Variants in RTN4RL1 observed in about 807,000 individuals in gnomAD.
RTN4RL1 encodes reticulon-4 receptor-like 1.
RTN4RL1 carries 7 observed loss-of-function variants against 25.6 expected under a neutral mutation model. The ratio of observed to expected loss-of-function variants is 0.27; its 90% confidence interval spans 0.16 to 0.51. RTN4RL1 has a LOEUF of 0.51. RTN4RL1 is among the 20% of genes least tolerant of loss of function. RTN4RL1 has a pLI of 0.97. For missense variants in RTN4RL1, 500 were observed against 615.6 expected (o/e 0.81, Z 1.99); for synonymous variants, 297 against 288.2 (o/e 1.03, Z -0.31).
chr17:1,951,294 A>AAAAATAGT, intron 1 of RTN4RL1, among the ~76,000 whole-genome samples: 1 of 152,230 alleles, frequency 6.6e-6, no homozygotes, highest in South Asian at 2.1e-4. Flanking sequence ...TTTATTAACA[A>AAAAATAGT]AAAATAGTAA....
At chr17:1,938,791 C>T (rs1410610357) in intron 1 of RTN4RL1, among the ~76,000 whole-genome samples, 3 of 151,540 alleles carry the variant, frequency 2.0e-5, no homozygotes, top group African/African-American at 7.2e-5. Flanking sequence ...TGGCTCACGC[C>T]TGTAATCCCA....
chr17:2,005,739 T>TTCTC (rs61209329), intron 1 of RTN4RL1, among the ~76,000 whole-genome samples: 57,122 of 144,968 alleles, frequency 0.39, 11,276 homozygotes, highest in Middle Eastern at 0.44. Flanking sequence ...CTCTCTCTCT[T>TTCTC]TCTCTCTCTC....
At chr17:1,985,105 C>T (rs2066882482) in intron 1 of RTN4RL1, among the ~76,000 whole-genome samples, 1 of 152,218 alleles carries the variant, frequency 6.6e-6, no homozygotes, top group Admixed American at 6.5e-5. Context: ...TACTTTGTTC[C>T]TTTTTAACTG....
chr17:2,011,235 G>T (rs989144785), intron 1 of RTN4RL1, among the ~76,000 whole-genome samples: 1 of 152,116 alleles, frequency 6.6e-6, no homozygotes, highest in Non-Finnish European at 1.5e-5. Flanking sequence ...TGGGCAACAA[G>T]AGTGAAACTC....
At chr17:2,014,634 C>A (rs2067095887) in intron 1 of RTN4RL1, among the ~76,000 whole-genome samples, 1 of 152,170 alleles carries the variant, frequency 6.6e-6, no homozygotes, top group Non-Finnish European at 1.5e-5. Flanking sequence ...GAGTTCGAGA[C>A]CAGCCTGGCC....
At chr17:1,958,267 G>A (rs11078741) in intron 1 of RTN4RL1, among the ~76,000 whole-genome samples, 73,167 of 152,020 alleles carry the variant, frequency 0.48, 18,803 homozygotes, top group Middle Eastern at 0.61. Context: ...CAAGATTGCC[G>A]TGGCATCCGA....
At chr17:1,954,514 A>G (rs928103840) in intron 1 of RTN4RL1, among the ~76,000 whole-genome samples, 1 of 151,264 alleles carries the variant, frequency 6.6e-6, no homozygotes, top group African/African-American at 2.4e-5. Context: ...CAGCCTCCCA[A>G]GTAGCTGGGA....
chr17:2,000,605 C>T (rs1012377118), intron 1 of RTN4RL1, among the ~76,000 whole-genome samples: 3 of 152,162 alleles, frequency 2.0e-5, no homozygotes, highest in Admixed American at 2.0e-4. Flanking sequence ...GGCTCACCTC[C>T]GTCTCCCAGG....
intron 1 of RTN4RL1, among the ~76,000 whole-genome samples, chr17:1,945,683 C>G (rs1221703337): frequency 6.6e-6 from 1 of 152,242 alleles, no homozygotes; most frequent in Non-Finnish European, 1.5e-5. Context: ...AGCATTCCCC[C>G]TCTTCTAATA....
At chr17:1,991,991 C>T (rs1019545715) in intron 1 of RTN4RL1, among the ~76,000 whole-genome samples, 1 of 152,148 alleles carries the variant, frequency 6.6e-6, no homozygotes, top group Non-Finnish European at 1.5e-5. Flanking sequence ...CCACGCCCAC[C>T]CTCCTTCCTT....
In RTN4RL1 at chr17:2,006,889, C is replaced by T. The variant is rs565432697; in HGVS notation, c.13+17964G>A. Among the ~76,000 whole-genome samples, 9 of 152,238 alleles carry T rather than the reference C, an allele frequency of 5.9e-5. No individual in the cohort carries two copies. The South Asian group carries it at 1.0e-3, about 18-fold the overall frequency. ...CCTCCTGCCTCAGCCTCCCAAAGTC[C>T]GGGGATTACAGGCATAAGCCACTGT... On this transcript the variant is annotated intron_variant, in intron 1 of 1. Coordinates refer to ENST00000331238, the MANE Select transcript of RTN4RL1 (RefSeq NM_178568.4).
At chr17:1,987,311 T>C (rs991397846) in intron 1 of RTN4RL1, among the ~76,000 whole-genome samples, 1 of 152,136 alleles carries the variant, frequency 6.6e-6, no homozygotes, top group African/African-American at 2.4e-5. Flanking sequence ...AGGGTTGAAT[T>C]TGAGCCAATG....
At chr17:1,981,697 C>G (rs1347201861) in intron 1 of RTN4RL1, among the ~76,000 whole-genome samples, 3 of 152,186 alleles carry the variant, frequency 2.0e-5, no homozygotes, top group Non-Finnish European at 4.4e-5. Flanking sequence ...GCCCTGGGAG[C>G]TGTGTGCCTC....
intron 1 of RTN4RL1, among the ~76,000 whole-genome samples, chr17:1,940,269 G>A (rs1915414306): frequency 6.6e-6 from 1 of 152,196 alleles, no homozygotes; most frequent in South Asian, 2.1e-4. Context: ...ATTGGGCTCG[G>A]TTGCGAATTC....
At chr17:1,978,549 G>A (rs938770250) in intron 1 of RTN4RL1, among the ~76,000 whole-genome samples, 2 of 149,848 alleles carry the variant, frequency 1.3e-5, no homozygotes, top group African/African-American at 4.9e-5. Flanking sequence ...CTCTTGCTTG[G>A]AATTAGGCTG....
In RTN4RL1 at chr17:1,993,118, A is replaced by G. The variant is rs112558029; in HGVS notation, c.13+31735T>C. Among the ~76,000 whole-genome samples, 1,384 of 152,158 alleles carry G rather than the reference A, an allele frequency of 9.1e-3. 29 individuals are homozygous for G. Among genetic ancestry groups the G allele is most frequent in the African/African-American group, 0.032 (1,315 of 41,522 alleles). ...AAAAAATTAGCCGGGCATGGTGGTG[A>G]GCACCTGTGATCCCAGCTATTCGGG... On this transcript the variant is annotated intron_variant, in intron 1 of 1. Coordinates refer to ENST00000331238, the MANE Select transcript of RTN4RL1 (RefSeq NM_178568.4).
At chr17:1,948,752 G>C (rs1915614742) in intron 1 of RTN4RL1, among the ~76,000 whole-genome samples, 1 of 152,166 alleles carries the variant, frequency 6.6e-6, no homozygotes, top group East Asian at 1.9e-4. Flanking sequence ...GGTCCAGGAG[G>C]GGTGTGAGGG....
At chr17:2,024,774 C>A in intron 1 of RTN4RL1, 79 bp downstream of exon 1, 2 of 1,444,720 alleles carry the variant, frequency 1.4e-6, no homozygotes, top group Non-Finnish European at 1.9e-6. Context: ...CCGGGAGCCC[C>A]GGCGCCGGGC....
chr17:1,968,548 CTG>C (rs2066803108), intron 1 of RTN4RL1, among the ~76,000 whole-genome samples: 1 of 152,220 alleles, frequency 6.6e-6, no homozygotes, highest in South Asian at 2.1e-4. Context: ...TGACTCTGCC[CTG>C]GGCTCGAAGC....
Sources: gnomAD v4.1 joint callset for allele counts (sites outside exome capture counted in the v4.1 genomes callset) on GRCh38, gnomAD v4.1.1 for gene constraint, MANE v1.5 for transcripts, NCBI Gene and HGNC (gene_info 2026-07-23, HGNC 2026-07-21) for gene names.